Variants in EML1 observed in about 807,000 individuals in gnomAD.
EML1 encodes EMAP like 1.
EML1 carries 27 observed loss-of-function variants against 110.4 expected under a neutral mutation model. That is an observed-to-expected ratio of 0.24 (90% CI 0.18 to 0.34). The LOEUF is 0.34. Ranked by LOEUF, EML1 falls within the 10% of genes least tolerant of loss-of-function variation. The probability of loss-of-function intolerance (pLI) is 1.00; values close to 1 mark genes in which losing one functional copy is unlikely to be tolerated. For synonymous variants in EML1, 344 were observed against 385.8 expected (o/e 0.89, Z 1.27); for missense variants, 741 against 1,030.9 (o/e 0.72, Z 3.85).
At chr14:99,838,054 A>G (rs1415080613) in intron 1 of EML1, among the ~76,000 whole-genome samples, 1 of 152,012 alleles carries the variant, frequency 6.6e-6, no homozygotes, top group Non-Finnish European at 1.5e-5. Flanking sequence ...CCCCACCTCA[A>G]CCTTCCAAAG....
chr14:99,814,307 G>A (rs756623664), intron 1 of EML1, among the ~76,000 whole-genome samples: 3 of 152,166 alleles, frequency 2.0e-5, no homozygotes, highest in East Asian at 1.9e-4. Flanking sequence ...ATCTCGCTTT[G>A]TCACTCAGGC....
At chr14:99,909,953 C>G (rs1326483159) in intron 11 of EML1, among the ~76,000 whole-genome samples, 1 of 152,090 alleles carries the variant, frequency 6.6e-6, no homozygotes, top group Non-Finnish European at 1.5e-5. Flanking sequence ...ATAGCCCCAC[C>G]CTTCTCCCCG....
intron 17 of EML1, among the ~76,000 whole-genome samples, chr14:99,935,674 T>C (rs1371721969): frequency 6.7e-6 from 1 of 149,800 alleles, no homozygotes; most frequent in Non-Finnish European, 1.5e-5. Flanking sequence ...TCCCAGCTAC[T>C]CGGGAGGCTG....
At chr14:99,935,781 C>CAAAAAAAAAAAAAAAAAAAAAAAAAAA (rs1160100015) in intron 17 of EML1, among the ~76,000 whole-genome samples, 1 of 83,730 alleles carries the variant, frequency 1.2e-5, no homozygotes, top group African/African-American at 4.9e-5. Context: ...GACTCCGTCT[C>CAAAAAAAAAAAAAAAAAAAAAAAAAAA]AAAAAAAAAA....
intron 1 of EML1, among the ~76,000 whole-genome samples, chr14:99,835,068 T>C (rs1345431301): frequency 1.3e-5 from 2 of 151,822 alleles, no homozygotes; most frequent in African/African-American, 4.8e-5. Flanking sequence ...GCAATCCACC[T>C]GCCTCAGCCT....
chr14:99,926,274 G>GT (rs1489334854), intron 17 of EML1, among the ~76,000 whole-genome samples: 2 of 111,188 alleles, frequency 1.8e-5, no homozygotes, highest in African/African-American at 5.6e-5. Flanking sequence ...TATTTTTTGT[G>GT]TTTTTTGGGG....
At chr14:99,842,854 C>G (rs973818580) in intron 1 of EML1, among the ~76,000 whole-genome samples, 1 of 152,140 alleles carries the variant, frequency 6.6e-6, no homozygotes, top group African/African-American at 2.4e-5. Flanking sequence ...CTCCTCAATC[C>G]TGTGCTGGCA....
At chr14:99,780,315 C>T (rs1022649615) in intron 1 of EML1, among the ~76,000 whole-genome samples, 18 of 152,100 alleles carry the variant, frequency 1.2e-4, no homozygotes, top group African/African-American at 4.1e-4. Context: ...CTTTTGCCCC[C>T]ACTGTGACAG....
upstream of EML1, among the ~76,000 whole-genome samples, chr14:99,771,079 C>T (rs1023327731): frequency 2.0e-5 from 3 of 152,260 alleles, no homozygotes; most frequent in African/African-American, 7.2e-5. Context: ...CCACCGCGCC[C>T]GGCCTCCCAC....
upstream of EML1, among the ~76,000 whole-genome samples, chr14:99,791,150 G>A (rs1237623447): frequency 2.0e-5 from 3 of 151,944 alleles, no homozygotes; most frequent in African/African-American, 7.3e-5. Flanking sequence ...CATAAGCCCC[G>A]CCCTCGGCCT....
intron 1 of EML1, among the ~76,000 whole-genome samples, chr14:99,766,194 C>CTTT (rs34008528): frequency 1.1e-3 from 146 of 129,850 alleles, no homozygotes; most frequent in African/African-American, 3.7e-3. Context: ...TAAACTTTTA[C>CTTT]TTTTTTTTTT....
At chr14:99,818,049 G>A (rs1274919270) in intron 1 of EML1, among the ~76,000 whole-genome samples, 2 of 152,124 alleles carry the variant, frequency 1.3e-5, no homozygotes, top group East Asian at 3.9e-4. Flanking sequence ...CTTGGAAGCA[G>A]GCGAAAGTGT....
chr14:99,844,000 A>G (rs879320509), intron 1 of EML1, among the ~76,000 whole-genome samples: 67 of 152,112 alleles, frequency 4.4e-4, no homozygotes. Context: ...TTTCCCTCCT[A>G]TCCAAAGTCA....
intron 9 of EML1, among the ~76,000 whole-genome samples, chr14:99,901,378 T>C (rs1346076540): frequency 1.3e-5 from 2 of 152,132 alleles, no homozygotes; most frequent in Non-Finnish European, 2.9e-5. Flanking sequence ...AGCGTGTCTG[T>C]CTCTGCCATC....
chr14:99,897,218 G>T lies in EML1; in HGVS notation c.751G>T (p.Ala251Ser). The change falls in exon 7 of 22, where the codon GCA (alanine) becomes TCA (serine). Residue 251 changes from alanine to serine, a missense_variant. Coordinates refer to ENST00000262233, the MANE Select transcript of EML1 (RefSeq NM_004434.3). ...GACGGGAGAGACCGTCTACTTCATC[G>T]CATCCGTGGTGGTGTTATACAACGT... ...LPTGETVYFI[A>S]SVVVLYNVEE... 6.2e-7 allele frequency: 1 copy of T among 1,612,680 alleles called. No individual in the cohort carries two copies. Among genetic ancestry groups the T allele is most frequent in the Non-Finnish European group, 8.5e-7 (1 of 1,179,396 alleles).
chr14:99,799,461 G>A (rs974992983), intron 1 of EML1, among the ~76,000 whole-genome samples: 3 of 152,204 alleles, frequency 2.0e-5, no homozygotes, highest in Non-Finnish European at 4.4e-5. Context: ...GTATTTTCAG[G>A]CCTCTTTTGC....
At position 99,937,875 on chromosome 14, in the gene EML1, G is replaced by C. The variant is rs1468505267; in HGVS notation, c.2154G>C (p.Trp718Cys). ...VSVETTRDIE[W>C]ATYTCTLGFH... Reference sequence around the variant, plus strand: ...TGGAAACTACAAGAGACATTGAATGGGCTACCTATACCTGCACTTTGGGAT... The same window carrying C: ...TGGAAACTACAAGAGACATTGAATGCGCTACCTATACCTGCACTTTGGGAT... Residue 718 changes from tryptophan (W) to cysteine (C), a missense_variant, in exon 20 of 22, where the codon TGG becomes TGC. This residue lies in a region of EML1 where 388 missense variants were observed against 605.6 expected (regional missense o/e 0.64). Coordinates refer to ENST00000262233, the MANE Select transcript of EML1 (RefSeq NM_004434.3). The C allele has an allele frequency of 6.2e-7, 1 of 1,614,012 alleles. No homozygotes were observed. The highest frequency in any genetic ancestry group is 1.3e-5 in the African/African-American group (1 of 74,936).
chr14:99,786,934 T>A (rs1053520085), intron 1 of EML1, among the ~76,000 whole-genome samples: 1 of 152,150 alleles, frequency 6.6e-6, no homozygotes, highest in Non-Finnish European at 1.5e-5. Context: ...CAGAGGGAGA[T>A]GAAATTGACC....
intron 1 of EML1, among the ~76,000 whole-genome samples, chr14:99,836,572 T>C (rs1319587005): frequency 6.6e-6 from 1 of 152,236 alleles, no homozygotes; most frequent in East Asian, 1.9e-4. Context: ...ATAGTCATAA[T>C]AACTATTTAA....
Sources: gnomAD v4.1 joint callset for allele counts (sites outside exome capture counted in the v4.1 genomes callset) on GRCh38, gnomAD v4.1.1 for gene constraint, gnomAD v4.1.1 regional missense constraint, MANE v1.5 for transcripts, NCBI Gene and HGNC (gene_info 2026-07-23, HGNC 2026-07-21) for gene names.